Variants in STAB2 observed in about 807,000 individuals in gnomAD.
STAB2 encodes the protein stabilin-2.
Under a neutral mutation model 338.1 loss-of-function variants are expected in STAB2, and 288 were observed. The observed-to-expected ratio is 0.85, with a 90% CI of 0.77 to 0.94. The LOEUF (loss-of-function observed/expected upper bound fraction) is 0.94. STAB2 is among the 40% of genes least tolerant of loss of function. STAB2 has a pLI of 0.00. For synonymous variants in STAB2, 1,202 were observed against 1,193.3 expected (o/e 1.01, Z -0.15); for missense variants, 3,141 against 3,210.1 (o/e 0.98, Z 0.52).
intron 43 of STAB2, among the ~76,000 whole-genome samples, 155 bp downstream of exon 43, chr12:103,716,043 C>G (rs570638318): frequency 5.8e-4 from 89 of 152,180 alleles, no homozygotes; most frequent in African/African-American, 2.0e-3. Context: ...ATCAAGAGGC[C>G]CTTCTTTGGG....
At chr12:103,764,460 T>C (rs1488715842) in intron 68 of STAB2, among the ~76,000 whole-genome samples, 2 of 152,234 alleles carry the variant, frequency 1.3e-5, no homozygotes, top group African/African-American at 4.8e-5. Flanking sequence ...GGGCCTCCAC[T>C]GACATCAATC....
intron 3 of STAB2, among the ~76,000 whole-genome samples, chr12:103,607,083 T>C (rs1957040937): frequency 6.6e-6 from 1 of 152,246 alleles, no homozygotes; most frequent in Non-Finnish European, 1.5e-5. Context: ...TCCCTTTGGC[T>C]GCTTTTAATT....
intron 61 of STAB2, 149 bp downstream of exon 61, chr12:103,753,502 A>C (rs1424430609): frequency 1.9e-6 from 2 of 1,067,360 alleles, no homozygotes; most frequent in Non-Finnish European, 2.7e-6. Context: ...CACCATGTCC[A>C]TTTATTGGGC....
At chr12:103,667,170 A>G (rs996775076) in intron 19 of STAB2, among the ~76,000 whole-genome samples, 35 of 152,374 alleles carry the variant, frequency 2.3e-4, no homozygotes, top group African/African-American at 7.9e-4. Context: ...TCTATTGTGA[A>G]GTATTTAGTA....
At chr12:103,764,871 G>T (rs902237102) in intron 68 of STAB2, among the ~76,000 whole-genome samples, 4 of 152,046 alleles carry the variant, frequency 2.6e-5, no homozygotes, top group East Asian at 1.9e-4. Context: ...GCCAAGGCAG[G>T]TGGATCACCT....
At chr12:103,745,325 A>C in intron 57 of STAB2, 48 bp downstream of exon 57, 2 of 1,551,304 alleles carry the variant, frequency 1.3e-6, no homozygotes, top group Non-Finnish European at 1.8e-6. Context: ...GCTGCAGTGG[A>C]CACTGCCAAG....
At position 103,648,680 on chromosome 12, in the gene STAB2, C is replaced by A. The variant is rs779768798; in HGVS notation, c.1041-10C>A. On this transcript the variant is annotated splice_polypyrimidine_tract_variant and intron_variant, in intron 9 of 68. Transcript: ENST00000388887. ...AAAACCCTGAGGATGTCTTTTCCCC[C>A]TCTCTGTAGATGCATTTGCCAGAAA... 5 of 1,612,652 alleles carry A rather than the reference C, an allele frequency of 3.1e-6. No individual in the cohort carries two copies. The highest frequency in any genetic ancestry group is 4.2e-6 in the Non-Finnish European group (5 of 1,179,308).
chr12:103,660,625 C>T (rs1011720721), intron 16 of STAB2, 58 bp from the exon 17 acceptor site: 1 of 1,566,074 alleles, frequency 6.4e-7, no homozygotes, highest in Admixed American at 1.7e-5. Context: ...ACTTTAAGAA[C>T]TCAGGGCCCT....
intron 25 of STAB2, among the ~76,000 whole-genome samples, chr12:103,678,300 T>C (rs1285829753): frequency 2.0e-5 from 3 of 152,208 alleles, no homozygotes; most frequent in African/African-American, 4.8e-5. Context: ...CTTTGAGAAA[T>C]ATATTTCTTC....
In STAB2 at chr12:103,723,568, G is replaced by A. The variant is rs1238831059; in HGVS notation, c.4684-1407G>A. 2.6e-5 allele frequency among the ~76,000 whole-genome samples: 4 copies of A among 152,232 alleles called. No individual in the cohort carries two copies. The East Asian group carries it at 5.8e-4, about 22-fold the overall frequency. ...ATCTCTAGAGAGAGGGAAATTAAAT[G>A]TACTGCAAAAGTGCAAGCATCTGTG... On this transcript the variant is annotated intron_variant, in intron 44 of 68. Coordinates refer to ENST00000388887, the MANE Select transcript of STAB2 (RefSeq NM_017564.10).
intron 3 of STAB2, among the ~76,000 whole-genome samples, chr12:103,607,848 C>T (rs941339402): frequency 2.9e-4 from 44 of 152,226 alleles, no homozygotes; most frequent in African/African-American, 9.4e-4. Flanking sequence ...AATAAACATA[C>T]GTGTGCATGT....
At chr12:103,743,232 G>A (rs1882734761) in intron 56 of STAB2, among the ~76,000 whole-genome samples, 1 of 151,940 alleles carries the variant, frequency 6.6e-6, no homozygotes, top group Admixed American at 6.6e-5. Context: ...ATGTTGGTCA[G>A]GCTGGTCTCA....
chr12:103,678,738 G>T (rs1487608735), intron 25 of STAB2, among the ~76,000 whole-genome samples: 1 of 152,030 alleles, frequency 6.6e-6, no homozygotes, highest in Non-Finnish European at 1.5e-5. Context: ...TTCCATGTTG[G>T]TCAGGCTGGT....
intron 25 of STAB2, among the ~76,000 whole-genome samples, chr12:103,678,957 T>C (rs374676750): frequency 1.3e-5 from 2 of 152,230 alleles, no homozygotes; most frequent in African/African-American, 4.8e-5. Context: ...TGCGGGCCAG[T>C]GCAGGGCTGG....
intron 37 of STAB2, among the ~76,000 whole-genome samples, 167 bp from the exon 38 acceptor site, chr12:103,706,625 C>T (rs1171108564): frequency 6.6e-6 from 1 of 152,114 alleles, no homozygotes; most frequent in African/African-American, 2.4e-5. Flanking sequence ...TAGAAATTGC[C>T]AAGCCTCACC....
Position 103,706,996 on chromosome 12 carries a change from C to A in STAB2, c.4192+9C>A. On this transcript the variant is annotated intron_variant, in intron 38 of 68. Transcript: ENST00000388887. ...CATCCACTGTGACCAAGGTGAGCAC[C>A]GTCCTCTCCACAGAGGATCTTGGGC... is the stretch of plus-strand genomic sequence containing the variant. The A allele has an allele frequency of 1.9e-6, 3 of 1,613,608 alleles. No homozygotes were observed. Among genetic ancestry groups the A allele is most frequent in the Non-Finnish European group, 2.5e-6 (3 of 1,179,822 alleles).
chr12:103,610,313 G>T (rs11503254), intron 3 of STAB2, among the ~76,000 whole-genome samples: 1,695 of 152,252 alleles, frequency 0.011, 43 homozygotes, highest in African/African-American at 0.038. Flanking sequence ...AATCCGTCTG[G>T]TCATGGACTT....
At chr12:103,591,646 A>G (rs1956799745) in intron 2 of STAB2, among the ~76,000 whole-genome samples, 1 of 152,174 alleles carries the variant, frequency 6.6e-6, no homozygotes, top group African/African-American at 2.4e-5. Flanking sequence ...AAAAGCCTTG[A>G]GTGTGATAGT....
Position 103,669,594 on chromosome 12 carries a change from A to G in STAB2, c.2226A>G (p.Gly742=). The G allele has an allele frequency of 1.2e-6, 2 of 1,614,226 alleles. No homozygotes were observed. Among genetic ancestry groups the G allele is most frequent in the Non-Finnish European group, 1.7e-6 (2 of 1,180,036 alleles). ...GACCTGACTGCAACCAGTGTCCAGGAGGCTTCTCAAATCCATGCTCAGGAA... is the reference window on the plus strand; with the variant it reads ...GACCTGACTGCAACCAGTGTCCAGGGGGCTTCTCAAATCCATGCTCAGGAA... ...FYGPDCNQCP[G]GFSNPCSGNG... is the part of the protein sequence containing the mutation. Residue 742 remains glycine (G), a synonymous_variant, in exon 21 of 69, where the codon GGA becomes GGG. Coordinates refer to ENST00000388887, the MANE Select transcript of STAB2 (RefSeq NM_017564.10).
Sources: gnomAD v4.1 joint callset for allele counts (sites outside exome capture counted in the v4.1 genomes callset) on GRCh38, gnomAD v4.1.1 for gene constraint, MANE v1.5 for transcripts, NCBI Gene and HGNC (gene_info 2026-07-23, HGNC 2026-07-21) for gene names.